The following MPDZ variants were observed in gnomAD, a reference collection of about 807,000 sequenced individuals.
MPDZ encodes multiple PDZ domain protein.
MPDZ carries 234 observed loss-of-function variants against 239.1 expected under a neutral mutation model. That is an observed-to-expected ratio of 0.98 (90% confidence interval 0.88 to 1.09). The LOEUF (loss-of-function observed/expected upper bound fraction) is 1.09, where lower values mean the gene tolerates loss of function less well. Ranked by LOEUF, MPDZ falls within the 50% of genes least tolerant of loss-of-function variation. MPDZ has a pLI of 0.00. For missense variants in MPDZ, 3,175 were observed against 2,510.0 expected, an observed-to-expected ratio of 1.26 and a Z score of -5.66; for synonymous variants, 1,048 against 881.3, an observed-to-expected ratio of 1.19 and a Z score of -3.35.
At chr9:13,274,908 G>A (rs1284181541) in intron 1 of MPDZ, among the ~76,000 whole-genome samples, 2 of 151,762 alleles carry the variant, frequency 1.3e-5, no homozygotes, top group South Asian at 2.1e-4. Flanking sequence ...TTAAGAAAAC[G>A]AATGCTTTTA....
intron 2 of MPDZ, among the ~76,000 whole-genome samples, chr9:13,249,556 T>A (rs1967345645): frequency 6.6e-6 from 1 of 152,144 alleles, no homozygotes; most frequent in Non-Finnish European, 1.5e-5. Flanking sequence ...TGTCACTCTA[T>A]CCCTCAAAAC....
At chr9:13,243,151 T>C (rs1965809537) in intron 3 of MPDZ, among the ~76,000 whole-genome samples, 1 of 152,200 alleles carries the variant, frequency 6.6e-6, no homozygotes, top group South Asian at 2.1e-4. Flanking sequence ...TTCACCTTCT[T>C]TGTTTTCTTT....
At chr9:13,240,772 G>T (rs1458588859) in intron 3 of MPDZ, among the ~76,000 whole-genome samples, 3 of 151,824 alleles carry the variant, frequency 2.0e-5, no homozygotes, top group African/African-American at 7.3e-5. Flanking sequence ...ATGAGGCAAA[G>T]TCTATAGCAC....
chr9:13,158,106 T>C lies in MPDZ; in HGVS notation c.3364A>G (p.Ile1122Val), dbSNP rs746589199. Residue 1122 changes from isoleucine (I) to valine (V), a missense_variant, in exon 24 of 47, where the codon ATT (isoleucine) becomes GTT (valine). By Grantham distance (29) the Ile-to-Val change is conservative. Coordinates refer to ENST00000319217, the MANE Select transcript of MPDZ (RefSeq NM_001378778.1). The part of the protein sequence containing the change: ...DIFSSYTGRD[I>V]PELPEREEGE... ...TCTTCTCGCTCTGGTAATTCTGGAATGTCTCTGGTTAAAGAATTACACAAT... is the reference window on the plus strand; with the variant it reads ...TCTTCTCGCTCTGGTAATTCTGGAACGTCTCTGGTTAAAGAATTACACAAT... 2 of 1,612,158 alleles carry C rather than the reference T, an allele frequency of 1.2e-6. No individual in the cohort carries two copies. The highest frequency in any genetic ancestry group is 1.7e-6 in the Non-Finnish European group (2 of 1,178,750).
intron 10 of MPDZ, among the ~76,000 whole-genome samples, chr9:13,209,715 T>C (rs1415888020): frequency 6.6e-6 from 1 of 152,088 alleles, no homozygotes; most frequent in African/African-American, 2.4e-5. Flanking sequence ...TCCTTGTATT[T>C]ATGGAAGCAG....
At chr9:13,154,723 T>G (rs1949614901) in intron 24 of MPDZ, among the ~76,000 whole-genome samples, 1 of 152,162 alleles carries the variant, frequency 6.6e-6, no homozygotes, top group South Asian at 2.1e-4. Flanking sequence ...GATATGAAAC[T>G]GAAACTCAAT....
rs764859544 is a variant in MPDZ, at chr9:13,138,042, C to T, written c.4115G>A (p.Arg1372Lys). 5.6e-6 allele frequency: 9 copies of T among 1,613,754 alleles called. No homozygotes were observed. Among genetic ancestry groups the T allele is most frequent in the Non-Finnish European group, 6.8e-6 (8 of 1,179,816 alleles). The change falls in exon 29 of 47, where the codon AGG becomes AAG. Residue 1372 changes from arginine to lysine, a missense_variant. Coordinates refer to ENST00000319217, the MANE Select transcript of MPDZ (RefSeq NM_001378778.1). ...LSLAGNKDRS[R>K]MSVFIVGIDP... ...AATCCCCACTATGAAGACACTCATC[C>T]TGGATCGGTCTTTGTTCCCAGCAAG...
chr9:13,146,669 T>G (rs1202542625), intron 26 of MPDZ, among the ~76,000 whole-genome samples: 3 of 151,978 alleles, frequency 2.0e-5, no homozygotes, highest in Non-Finnish European at 4.4e-5. Context: ...GGTATGCAAT[T>G]TTTGAATGGA....
intron 3 of MPDZ, among the ~76,000 whole-genome samples, chr9:13,233,120 T>C (rs1962995079): frequency 6.6e-6 from 1 of 152,130 alleles, no homozygotes; most frequent in African/African-American, 2.4e-5. Context: ...GGACTTATAA[T>C]CGCTTTGGAA....
Position 13,223,674 on chromosome 9 carries a change from G to A in MPDZ, c.430C>T (p.Pro144Ser). The A allele has an allele frequency of 6.2e-7, 1 of 1,610,046 alleles. No homozygotes were observed. Among genetic ancestry groups the A allele is most frequent in the Middle Eastern group, 1.7e-4 (1 of 6,032 alleles). The change falls in exon 5 of 47, where the codon CCA becomes TCA. Residue 144 changes from proline to serine, a missense_variant. Transcript: ENST00000319217. ...HVEVFELLKPPSGGLGFSVVG... is the reference protein window; with the variant it reads ...HVEVFELLKPSSGGLGFSVVG... ...ACACTAAACCCAAGGCCTCCAGATG[G>A]AGGTTTGAGGAGCTCAAAAACTTCT... is the stretch of plus-strand genomic sequence containing the variant.
chr9:13,133,235 T>C (rs559456584), intron 32 of MPDZ, among the ~76,000 whole-genome samples: 6 of 152,276 alleles, frequency 3.9e-5, no homozygotes, highest in African/African-American at 1.4e-4. Context: ...TAAATGGCAA[T>C]AGAATGAGGG....
intron 22 of MPDZ, 33 bp from the exon 23 acceptor site, chr9:13,162,828 G>A (rs1202749999): frequency 6.9e-7 from 1 of 1,458,180 alleles, no homozygotes; most frequent in South Asian, 1.2e-5. Flanking sequence ...GAAGTGAAGG[G>A]AAATAATATT....
chr9:13,277,373 T>C (rs1564187729), intron 1 of MPDZ, among the ~76,000 whole-genome samples: 1 of 152,114 alleles, frequency 6.6e-6, no homozygotes, highest in Non-Finnish European at 1.5e-5. Flanking sequence ...AGTAATATGT[T>C]GAGAATAATC....
intron 1 of MPDZ, among the ~76,000 whole-genome samples, chr9:13,264,083 T>C (rs548732734): frequency 6.6e-6 from 1 of 152,284 alleles, no homozygotes; most frequent in South Asian, 2.1e-4. Context: ...TGAAGCCTAC[T>C]GAAAATGAAA....
intron 3 of MPDZ, among the ~76,000 whole-genome samples, chr9:13,246,572 G>C (rs906251118): frequency 1.3e-5 from 2 of 152,144 alleles, no homozygotes; most frequent in African/African-American, 4.8e-5. Flanking sequence ...ATTTACTATA[G>C]AAAGGTATTT....
chr9:13,250,622 G>T (rs1461439813), intron 1 of MPDZ, among the ~76,000 whole-genome samples: 1 of 152,060 alleles, frequency 6.6e-6, no homozygotes, highest in East Asian at 1.9e-4. Flanking sequence ...TTTAAATAAG[G>T]TGGCAGAAGT....
At chr9:13,110,232 G>C (rs1281753600) in intron 44 of MPDZ, among the ~76,000 whole-genome samples, 168 bp from the exon 45 acceptor site, 2 of 152,304 alleles carry the variant, frequency 1.3e-5, no homozygotes, top group South Asian at 4.1e-4. Flanking sequence ...ACAAGGTCCA[G>C]AGGCTCTTAA....
In MPDZ at chr9:13,150,439, T is replaced by C. The variant is rs562541690; in HGVS notation, c.3630+72A>G. 1.1e-4 allele frequency: 138 copies of C among 1,209,660 alleles called. No individual in the cohort carries two copies. In the African/African-American group the frequency reaches 1.5e-3, roughly 13 times the overall value. 74.9% of individuals were successfully genotyped at this position (1,209,660 alleles called of 1,614,324 possible). Reference sequence around the variant, plus strand: ...TACCCTAAAACTTAAAGTATAATAATAGTAAAATTAAAAAATAAATAAATA... The same window carrying C: ...TACCCTAAAACTTAAAGTATAATAACAGTAAAATTAAAAAATAAATAAATA... On this transcript the variant is annotated intron_variant, in intron 25 of 46. Coordinates refer to ENST00000319217, the MANE Select transcript of MPDZ (RefSeq NM_001378778.1).
chr9:13,257,522 C>T (rs1588155699), intron 1 of MPDZ, among the ~76,000 whole-genome samples: 1 of 152,044 alleles, frequency 6.6e-6, no homozygotes, highest in Non-Finnish European at 1.5e-5. Flanking sequence ...AAAGAAGATA[C>T]AGAACAAGGT....
Sources: allele counts gnomAD v4.1 joint callset (sites outside exome capture counted in the v4.1 genomes callset), GRCh38; gene constraint gnomAD v4.1.1; transcripts MANE v1.5; gene names NCBI Gene and HGNC (gene_info 2026-07-23, HGNC 2026-07-21).